The following OSGIN2 variants were observed in gnomAD, a reference collection of about 807,000 sequenced individuals.
The protein encoded by OSGIN2 is oxidative stress induced growth inhibitor family member 2, also known as oxidative stress-induced growth inhibitor 2.
In OSGIN2, 19 loss-of-function variants were observed where a neutral mutation model predicts 53.8. The ratio of observed to expected loss-of-function variants is 0.35; its 90% CI spans 0.25 to 0.52. The LOEUF (loss-of-function observed/expected upper bound fraction) is 0.52. Among genes scored for constraint, OSGIN2 ranks in the 20% least tolerant of loss-of-function variants. The pLI is 0.95. For synonymous variants in OSGIN2, 236 were observed against 236.0 expected, an observed-to-expected ratio of 1.00 and a Z score of 0.00; for missense variants, 520 against 662.7, an observed-to-expected ratio of 0.78 and a Z score of 2.36.
intron 2 of OSGIN2, among the ~76,000 whole-genome samples, chr8:89,912,701 A>G (rs1213322866): frequency 1.3e-5 from 2 of 151,882 alleles, no homozygotes; most frequent in Non-Finnish European, 2.9e-5. Flanking sequence ...AGCCGAGATC[A>G]TGCCACTGCA....
At chr8:89,902,991 T>G (rs1287626265) in intron 1 of OSGIN2, among the ~76,000 whole-genome samples, 154 bp downstream of exon 1, 2 of 144,866 alleles carry the variant, frequency 1.4e-5, no homozygotes, top group African/African-American at 2.6e-5. Context: ...GGGGGTGGGG[T>G]GGGGTGCGGT....
chr8:89,921,026 A>G (rs1809188946), intron 4 of OSGIN2, 54 bp from the exon 5 acceptor site: 1 of 1,089,020 alleles, frequency 9.2e-7, no homozygotes, highest in Non-Finnish European at 1.4e-6. Context: ...ACCAAAAAAA[A>G]CCATGTTACT....
chr8:89,916,944 A>G (rs1453856326), intron 4 of OSGIN2, among the ~76,000 whole-genome samples: 2 of 152,118 alleles, frequency 1.3e-5, no homozygotes, highest in East Asian at 3.8e-4. Flanking sequence ...GCCCTGTTCC[A>G]TTGAACAGAT....
chr8:89,916,013 C>T (rs1809071584), intron 4 of OSGIN2, among the ~76,000 whole-genome samples: 2 of 151,896 alleles, frequency 1.3e-5, no homozygotes, highest in Non-Finnish European at 2.9e-5. Context: ...ATGCCTGTAA[C>T]TGTGAAACCA....
chr8:89,904,818 CAAAAAACACACA>C (rs1175115035), intron 1 of OSGIN2, among the ~76,000 whole-genome samples: 2 of 152,128 alleles, frequency 1.3e-5, no homozygotes, highest in African/African-American at 4.8e-5. Context: ...CTCAAAAAAA[CAAAAAACACACA>C]AAAAAACACA....
Position 89,905,396 on chromosome 8 carries a change from CTT to C in OSGIN2, c.44+2560_44+2561del, listed in dbSNP as rs370328279. On this transcript the variant is annotated intron_variant, in intron 1 of 5. Transcript: ENST00000451899. Reference sequence around the variant, plus strand: ...AGATTTTTATTACTCAAAATAAGCTCTTGTTTTAAATAGAACAAATATCAAAT... The same window carrying C: ...AGATTTTTATTACTCAAAATAAGCTCGTTTTAAATAGAACAAATATCAAAT... Among the ~76,000 whole-genome samples the C allele has an allele frequency of 4.7e-4, 72 of 152,258 alleles. No homozygotes were observed. In the East Asian group the frequency reaches 6.2e-3, roughly 13 times the overall value.
At chr8:89,920,089 T>A (rs1239261027) in intron 4 of OSGIN2, among the ~76,000 whole-genome samples, 1 of 152,208 alleles carries the variant, frequency 6.6e-6, no homozygotes, top group Admixed American at 6.5e-5. Context: ...CAGGTGAAAC[T>A]CTCAGGTTCC....
At position 89,920,977 on chromosome 8, in the gene OSGIN2, A is replaced by G. The variant is rs1563475571; in HGVS notation, c.529-103A>G. The G allele has an allele frequency of 1.0e-5, 7 of 697,462 alleles. No individual in the cohort carries two copies. In the African/African-American group the frequency reaches 1.2e-4, roughly 12 times the overall value. The allele number at this position is 697,462 out of a possible 1,614,324, so 43.2% of individuals were successfully genotyped here. A position where few individuals can be genotyped will look rare whatever the true frequency, so the allele number is the denominator to read the frequency against. On this transcript the variant is annotated intron_variant, in intron 4 of 5. Coordinates refer to ENST00000451899, the MANE Select transcript of OSGIN2 (RefSeq NM_001126111.3). ...GCAGGAGCGCACCTTGTCCAGAGTC[A>G]TAATTATTGTAAATGAGATGGATAT...
intron 1 of OSGIN2, among the ~76,000 whole-genome samples, chr8:89,907,315 G>A (rs552348026): frequency 7.9e-5 from 12 of 151,986 alleles, no homozygotes; most frequent in Non-Finnish European, 1.2e-4. Flanking sequence ...TGCCTTTGGC[G>A]TCTTCCTCAT....
At chr8:89,904,101 A>C (rs1808787657) in intron 1 of OSGIN2, among the ~76,000 whole-genome samples, 1 of 152,196 alleles carries the variant, frequency 6.6e-6, no homozygotes, top group Non-Finnish European at 1.5e-5. Context: ...TATTAAGGAA[A>C]AATTGTTTCA....
At chr8:89,908,048 C>G (rs1372695285) in intron 1 of OSGIN2, among the ~76,000 whole-genome samples, 1 of 152,146 alleles carries the variant, frequency 6.6e-6, no homozygotes, top group East Asian at 1.9e-4. Context: ...ACAGGAGAAC[C>G]TAACCTTTGC....
chr8:89,905,001 T>C lies in OSGIN2; in HGVS notation c.44+2164T>C, dbSNP rs61608407. Among the ~76,000 whole-genome samples the C allele has an allele frequency of 7.7e-3, 1,176 of 152,318 alleles. 17 individuals are homozygous for C. The highest frequency in any genetic ancestry group is 0.026 in the African/African-American group (1,060 of 41,566). Reference sequence around the variant, plus strand: ...TTGTGGCTTTAGAACCTTCTTTCCATGTGGTAGTATAAATTTGGTAAATTT... The same window carrying C: ...TTGTGGCTTTAGAACCTTCTTTCCACGTGGTAGTATAAATTTGGTAAATTT... On this transcript the variant is annotated intron_variant, in intron 1 of 5. Coordinates refer to ENST00000451899, the MANE Select transcript of OSGIN2 (RefSeq NM_001126111.3).
chr8:89,911,586 C>T (rs946515563), intron 2 of OSGIN2, among the ~76,000 whole-genome samples: 13 of 147,890 alleles, frequency 8.8e-5, no homozygotes, highest in South Asian at 4.3e-4. Context: ...GCCGCGATTG[C>T]GCCATTGTAC....
At chr8:89,919,781 G>C (rs996177359) in intron 4 of OSGIN2, among the ~76,000 whole-genome samples, 2 of 152,124 alleles carry the variant, frequency 1.3e-5, no homozygotes, top group Admixed American at 1.3e-4. Context: ...ATTTGGCTTG[G>C]AATATTTTCC....
At chr8:89,913,962 T>G (rs1809022984) in intron 2 of OSGIN2, 115 bp from the exon 3 acceptor site, 2 of 845,000 alleles carry the variant, frequency 2.4e-6, no homozygotes, top group Non-Finnish European at 3.8e-6. Context: ...TTTTAAGAGA[T>G]TAGAAAAGGA....
intron 4 of OSGIN2, among the ~76,000 whole-genome samples, chr8:89,919,363 C>T (rs1809149621): frequency 6.6e-6 from 1 of 152,196 alleles, no homozygotes; most frequent in African/African-American, 2.4e-5. Context: ...GATATCCACT[C>T]CTAGTAAAGT....
Position 89,925,643 on chromosome 8 carries a change from CTCAA to C in OSGIN2, c.*112_*115del. ...GGACTTGAGTTAACTGAAGGAGAGC[CTCAA>C]ACTATAGTAACTTCATTTTTAAAAG... On this transcript the variant is annotated 3_prime_UTR_variant, in exon 6 of 6. Transcript: ENST00000451899. The C allele has an allele frequency of 1.3e-6, 1 of 741,974 alleles. No individual in the cohort carries two copies. Among genetic ancestry groups the C allele is most frequent in the Admixed American group, 2.9e-5 (1 of 34,416 alleles). The allele number at this position is 741,974 out of a possible 1,614,324, so 46.0% of individuals were successfully genotyped here.
At chr8:89,911,892 C>T (rs1458937743) in intron 2 of OSGIN2, among the ~76,000 whole-genome samples, 1 of 150,680 alleles carries the variant, frequency 6.6e-6, no homozygotes, top group East Asian at 2.0e-4. Flanking sequence ...GAGCCGAGAT[C>T]GCACCACTGT....
intron 5 of OSGIN2, among the ~76,000 whole-genome samples, chr8:89,922,919 A>C (rs780058408): frequency 6.6e-5 from 10 of 152,164 alleles, no homozygotes; most frequent in African/African-American, 2.4e-4. Flanking sequence ...GGCAGTTGTA[A>C]CACAATTGTA....
Sources: gnomAD v4.1 joint callset for allele counts (sites outside exome capture counted in the v4.1 genomes callset) on GRCh38, gnomAD v4.1.1 for gene constraint, MANE v1.5 for transcripts, NCBI Gene and HGNC (gene_info 2026-07-23, HGNC 2026-07-21) for gene names.